AHNAK: variants seen among roughly 807,000 people sequenced by gnomAD.
AHNAK encodes the protein neuroblast differentiation-associated protein AHNAK.
Under a neutral mutation model 37.8 loss-of-function variants are expected in AHNAK, and 23 were observed. That is an observed-to-expected ratio of 0.61 (90% CI 0.44 to 0.86). The LOEUF (loss-of-function observed/expected upper bound fraction) is 0.86, where lower values mean the gene tolerates loss of function less well. AHNAK is among the 40% of genes least tolerant of loss of function. AHNAK has a pLI of 0.00. For synonymous variants in AHNAK, 2,481 were observed against 2,636.3 expected, an observed-to-expected ratio of 0.94 and a Z score of 1.80; for missense variants, 7,411 against 7,319.4, an observed-to-expected ratio of 1.01 and a Z score of -0.46.
At chr11:62,500,912 GT>G (rs1939700662) in intron 4 of AHNAK, among the ~76,000 whole-genome samples, 1 of 152,140 alleles carries the variant, frequency 6.6e-6, no homozygotes, top group African/African-American at 2.4e-5. Context: ...CAGACATACT[GT>G]ATCACATTAA....
chr11:62,526,089 C>T lies in AHNAK; in HGVS notation c.8328G>A (p.Met2776Ile). The change falls in exon 5 of 5, where the codon ATG (methionine) becomes ATA (isoleucine). Residue 2776 changes from methionine (M) to isoleucine (I), a missense_variant. Transcript: ENST00000378024. ...CTGGACCTTCTCCTTTGAAGCCAGG[C>T]ATGCTGATCTTGGGCATTTTTATCT... ...MPKIKMPKIS[M>I]PGFKGEGPDV... The T allele has an allele frequency of 6.2e-7, 1 of 1,613,708 alleles. No individual in the cohort carries two copies. The highest frequency in any genetic ancestry group is 8.5e-7 in the Non-Finnish European group (1 of 1,179,936).
chr11:62,472,946 A>T (rs1425531832), intron 5 of AHNAK, among the ~76,000 whole-genome samples: 1 of 151,354 alleles, frequency 6.6e-6, no homozygotes, highest in Admixed American at 6.6e-5. Flanking sequence ...AATTAGCCGA[A>T]ACAGTGGTGC....
In AHNAK at chr11:62,466,869, C is replaced by T. The variant is rs367748654; in HGVS notation, c.442+24863G>A. Among the ~76,000 whole-genome samples, 9 of 152,238 alleles carry T rather than the reference C, an allele frequency of 5.9e-5. 1 individual carries two copies. Among genetic ancestry groups the T allele is most frequent in the African/African-American group, 2.2e-4 (9 of 41,548 alleles). On this transcript the variant is annotated intron_variant, in intron 5 of 5. Transcript: ENST00000257247. ...GCTACAATGCAAATTAACAACATAA[C>T]TAAGATAAGGAAGCATTTTAACTAT...
Position 62,529,042 on chromosome 11 carries a change from C to T in AHNAK, c.5375G>A (p.Gly1792Glu). 6.2e-7 allele frequency: 1 copy of T among 1,614,140 alleles called. No homozygotes were observed. Among genetic ancestry groups the T allele is most frequent in the Non-Finnish European group, 8.5e-7 (1 of 1,180,004 alleles). ...SMPDVDLNLK[G>E]PKLKGEIDAS... The stretch of plus-strand genomic sequence containing the variant: ...ATCTATCTCTCCCTTCAGTTTGGGT[C>T]CCTTCAAATTCAAGTCCACATCTGG... The change falls in exon 5 of 5, where the codon GGA (glycine) becomes GAA (glutamate). Residue 1792 changes from glycine to glutamate, a missense_variant. Transcript: ENST00000378024.
At chr11:62,510,044 TTTTG>T (rs140209456) in intron 4 of AHNAK, among the ~76,000 whole-genome samples, 6,723 of 151,472 alleles carry the variant, frequency 0.044, 468 homozygotes, top group African/African-American at 0.15. Context: ...TGTATTGGAG[TTTTG>T]TTTGTTTGTT....
intron 5 of AHNAK, among the ~76,000 whole-genome samples, chr11:62,484,863 C>T (rs1217139471): frequency 6.6e-6 from 1 of 152,222 alleles, no homozygotes; most frequent in Non-Finnish European, 1.5e-5. Flanking sequence ...GATCTCAGCT[C>T]ACCACAACCT....
chr11:62,437,797 T>C (rs1390750621), intron 5 of AHNAK, among the ~76,000 whole-genome samples: 1 of 152,234 alleles, frequency 6.6e-6, no homozygotes, highest in African/African-American at 2.4e-5. Flanking sequence ...ATGCAATAGT[T>C]CTAGTTGTTC....
At position 62,529,803 on chromosome 11, in the gene AHNAK, G is replaced by A. The variant is rs1372183827; in HGVS notation, c.4614C>T (p.Asp1538=). The change falls in exon 5 of 5, where the codon GAC becomes GAT. Residue 1538 remains aspartate, a synonymous_variant. Coordinates refer to ENST00000378024, the MANE Select transcript of AHNAK (RefSeq NM_001620.3). Reference sequence around the variant, plus strand: ...CCACCTTGGGTCCTGAAACACCAAGGTCAGCCTTGGGCAGGTTCATATCCA... The same window carrying A: ...CCACCTTGGGTCCTGAAACACCAAGATCAGCCTTGGGCAGGTTCATATCCA... The part of the protein sequence containing the change: ...PEVDMNLPKA[D]LGVSGPKVDI... 1 of 1,614,046 alleles carries A rather than the reference G, an allele frequency of 6.2e-7. No homozygotes were observed. The highest frequency in any genetic ancestry group is 8.5e-7 in the Non-Finnish European group (1 of 1,180,004).
intron 5 of AHNAK, among the ~76,000 whole-genome samples, chr11:62,482,668 A>G (rs1479886259): frequency 6.6e-6 from 1 of 152,148 alleles, no homozygotes; most frequent in East Asian, 1.9e-4. Flanking sequence ...GTGAGTGCTT[A>G]CTGTTACCTG....
chr11:62,485,779 G>T (rs917119615), intron 5 of AHNAK, among the ~76,000 whole-genome samples: 4 of 151,368 alleles, frequency 2.6e-5, no homozygotes, highest in Non-Finnish European at 5.9e-5. Context: ...ATTTTGGGAG[G>T]CCAAGGCAGG....
At chr11:62,465,144 T>A (rs534042556) in intron 5 of AHNAK, among the ~76,000 whole-genome samples, 2 of 152,262 alleles carry the variant, frequency 1.3e-5, no homozygotes, top group East Asian at 3.9e-4. Context: ...TCTTACTCCA[T>A]CCTCTCCCAG....
chr11:62,470,623 A>C (rs1412073158), intron 5 of AHNAK, among the ~76,000 whole-genome samples: 1 of 152,042 alleles, frequency 6.6e-6, no homozygotes, highest in Non-Finnish European at 1.5e-5. Flanking sequence ...AAAACAAAAA[A>C]CAAAAAGCTG....
At position 62,521,502 on chromosome 11, in the gene AHNAK, T is replaced by G. The variant is rs1159198584; in HGVS notation, c.12915A>C (p.Val4305=). The G allele has an allele frequency of 2.5e-6, 4 of 1,604,650 alleles. No homozygotes were observed. Among genetic ancestry groups the G allele is most frequent in the Non-Finnish European group, 3.4e-6 (4 of 1,176,940 alleles). ...GGTGCCAGTCTGGGCCATGAACATC[T>G]ACATCAGGGGCATCGATGTCCACTT... ...GPKVDIDAPD[V]DVHGPDWHLK... The change falls in exon 5 of 5, where the codon GTA becomes GTC. Residue 4305 remains valine, a synonymous_variant. Transcript: ENST00000378024.
intron 5 of AHNAK, among the ~76,000 whole-genome samples, chr11:62,438,718 T>C (rs1938234721): frequency 6.6e-6 from 1 of 152,156 alleles, no homozygotes; most frequent in Non-Finnish European, 1.5e-5. Context: ...TGCATTCTGT[T>C]TTAGAAATGT....
intron 1 of AHNAK, 139 bp from the exon 2 acceptor site, chr11:62,536,706 C>G (rs918784199): frequency 6.6e-6 from 1 of 152,344 alleles, no homozygotes; most frequent in African/African-American, 2.4e-5. Flanking sequence ...CAATTCCACT[C>G]GTCCATGACT....
chr11:62,499,505 C>T (rs1939676478), intron 4 of AHNAK, among the ~76,000 whole-genome samples: 1 of 152,046 alleles, frequency 6.6e-6, no homozygotes, highest in Non-Finnish European at 1.5e-5. Context: ...GAGCCAAGAT[C>T]GCACCACAGC....
chr11:62,441,313 T>A (rs1938301228), intron 5 of AHNAK, among the ~76,000 whole-genome samples: 1 of 151,326 alleles, frequency 6.6e-6, no homozygotes, highest in Non-Finnish European at 1.5e-5. Flanking sequence ...CTACAGAAAA[T>A]TTTTAAAATT....
At position 62,523,529 on chromosome 11, in the gene AHNAK, C is replaced by CAGCTTT. The variant is rs761341367; in HGVS notation, c.10882_10887dup (p.Lys3628_Ala3629dup). ...ACATTGGGACCAGAAATGTCAATGT[C>CAGCTTT]AGCTTTAGGGAGGGTAACATCGACT... On this transcript the variant is annotated inframe_insertion, in exon 5 of 5. Transcript: ENST00000378024. 13 of 1,613,878 alleles carry CAGCTTT rather than the reference C, an allele frequency of 8.1e-6. No homozygotes were observed. The African/African-American group carries it at 1.6e-4, about 20-fold the overall frequency.
intron 4 of AHNAK, among the ~76,000 whole-genome samples, chr11:62,507,929 A>G (rs1240279952): frequency 6.6e-6 from 1 of 152,202 alleles, no homozygotes; most frequent in African/African-American, 2.4e-5. Flanking sequence ...GGGGCTTTGC[A>G]CATAATAATG....
Sources: gnomAD v4.1 joint callset for allele counts (sites outside exome capture counted in the v4.1 genomes callset) on GRCh38, gnomAD v4.1.1 for gene constraint, MANE v1.5 for transcripts, NCBI Gene and HGNC (gene_info 2026-07-23, HGNC 2026-07-21) for gene names.